MERTK: variants seen among roughly 807,000 people sequenced by gnomAD.
The protein encoded by MERTK is tyrosine-protein kinase Mer.
MERTK carries 69 observed loss-of-function variants against 99.3 expected under a neutral mutation model. The observed-to-expected ratio is 0.70, with a 90% confidence interval of 0.57 to 0.85. The LOEUF (loss-of-function observed/expected upper bound fraction) is 0.85, where lower values mean the gene tolerates loss of function less well. MERTK is among the 40% of genes least tolerant of loss of function. The probability of loss-of-function intolerance (pLI) is 0.00; values close to 1 mark genes in which losing one functional copy is unlikely to be tolerated. For missense variants in MERTK, 1,125 were observed against 1,249.4 expected (o/e 0.90, Z 1.50); for synonymous variants, 426 against 467.6 (o/e 0.91, Z 1.15).
At chr2:112,008,512 G>A in intron 14 of MERTK, 37 bp downstream of exon 14, 1 of 1,499,452 alleles carries the variant, frequency 6.7e-7, no homozygotes, top group Non-Finnish European at 9.3e-7. Context: ...TGGCCAAGAG[G>A]GCTCTGCTGA....
intron 1 of MERTK, among the ~76,000 whole-genome samples, chr2:111,911,987 C>T (rs1167358856): frequency 6.9e-6 from 1 of 144,156 alleles, no homozygotes; most frequent in Non-Finnish European, 1.5e-5. Flanking sequence ...CTGTGCCTGG[C>T]TTCCAATCGC....
rs563766184 is a variant in MERTK at position 111,974,407 on chromosome 2, T to C, written c.961-882T>C. On this transcript the variant is annotated intron_variant, in intron 6 of 18. Coordinates refer to ENST00000295408, the MANE Select transcript of MERTK (RefSeq NM_006343.3). ...ATCTCAAAAAAAGTAGTAATAATAA[T>C]AACAATAAAATAAAATAAAGTTAGC... Among the ~76,000 whole-genome samples the C allele has an allele frequency of 3.3e-4, 50 of 149,666 alleles. 1 individual carries two copies. Among genetic ancestry groups the C allele is most frequent in the Middle Eastern group, 3.6e-3 (1 of 280 alleles).
chr2:111,971,642 A>G (rs1349023828), intron 6 of MERTK, among the ~76,000 whole-genome samples: 1 of 152,124 alleles, frequency 6.6e-6, no homozygotes, highest in Non-Finnish European at 1.5e-5. Context: ...CTGATTTCTA[A>G]TGTTATTTTA....
chr2:111,929,569 T>G (rs759200969), intron 2 of MERTK, 29 bp downstream of exon 2: 1 of 1,504,342 alleles, frequency 6.6e-7, no homozygotes, highest in Non-Finnish European at 8.9e-7. Flanking sequence ...TTTTTTATTT[T>G]TTTAGTTTTA....
At chr2:112,000,126 G>A (rs1443500370) in intron 10 of MERTK, among the ~76,000 whole-genome samples, 9 of 152,140 alleles carry the variant, frequency 5.9e-5, no homozygotes, top group Non-Finnish European at 1.3e-4. Flanking sequence ...ATGTCATCAG[G>A]TAAGGCAGGA....
At chr2:112,027,091 T>C (rs749240571) in intron 18 of MERTK, among the ~76,000 whole-genome samples, 1 of 151,862 alleles carries the variant, frequency 6.6e-6, no homozygotes, top group African/African-American at 2.4e-5. Flanking sequence ...AGTTCAGGGG[T>C]TCTCCACCAG....
In MERTK at chr2:111,899,652, A is replaced by G. The variant is rs532248538; in HGVS notation, c.61+856A>G. Reference sequence around the variant, plus strand: ...CCTGCCTCAGCCTCCCGAGTAGCTGAGACTATAGACGCGCGCTACCACGTC... The same window carrying G: ...CCTGCCTCAGCCTCCCGAGTAGCTGGGACTATAGACGCGCGCTACCACGTC... On this transcript the variant is annotated intron_variant, in intron 1 of 18. Coordinates refer to ENST00000295408, the MANE Select transcript of MERTK (RefSeq NM_006343.3). 2.0e-5 allele frequency among the ~76,000 whole-genome samples: 3 copies of G among 151,864 alleles called. No homozygotes were observed. In the South Asian group the frequency reaches 6.2e-4, roughly 32 times the overall value.
intron 4 of MERTK, among the ~76,000 whole-genome samples, chr2:111,964,368 CGTGTGTGTGTGTGT>C (rs200168355): frequency 4.4e-4 from 62 of 141,248 alleles, no homozygotes; most frequent in Non-Finnish European, 3.2e-4. Flanking sequence ...ATCATTGTCT[CGTGTGTGTGTGTGT>C]GTGTGTGTGT....
intron 2 of MERTK, among the ~76,000 whole-genome samples, chr2:111,941,641 C>T (rs1223033310): frequency 6.6e-6 from 1 of 152,052 alleles, no homozygotes; most frequent in Non-Finnish European, 1.5e-5. Context: ...AGTCTCCAGC[C>T]CCACCCCACA....
At chr2:111,992,940 T>C (rs1004840238) in intron 8 of MERTK, among the ~76,000 whole-genome samples, 3 of 152,010 alleles carry the variant, frequency 2.0e-5, no homozygotes, top group Non-Finnish European at 2.9e-5. Flanking sequence ...TGCCTGAAAC[T>C]TGGGGGACTC....
chr2:111,964,227 T>C (rs1274921487), intron 4 of MERTK, among the ~76,000 whole-genome samples: 2 of 152,122 alleles, frequency 1.3e-5, no homozygotes, highest in Non-Finnish European at 2.9e-5. Context: ...TTGATATCAG[T>C]AGAGACTCCT....
chr2:112,022,742 C>G (rs893003693), intron 18 of MERTK, among the ~76,000 whole-genome samples: 14 of 152,170 alleles, frequency 9.2e-5, no homozygotes, highest in African/African-American at 3.4e-4. Context: ...TGCATGAGGT[C>G]CTTGAATGAT....
chr2:111,936,815 C>G (rs551272741), intron 2 of MERTK, among the ~76,000 whole-genome samples: 1 of 152,228 alleles, frequency 6.6e-6, no homozygotes, highest in African/African-American at 2.4e-5. Flanking sequence ...TTGGCCAAGA[C>G]CTTTCACTGG....
intron 16 of MERTK, among the ~76,000 whole-genome samples, chr2:112,020,146 C>T (rs1393221563): frequency 6.6e-6 from 1 of 152,200 alleles, no homozygotes; most frequent in African/African-American, 2.4e-5. Context: ...TTTTCTTGGT[C>T]AGAGATGTGA....
chr2:112,027,886 G>T (rs574530785), intron 18 of MERTK, among the ~76,000 whole-genome samples: 1 of 152,326 alleles, frequency 6.6e-6, no homozygotes, highest in East Asian at 1.9e-4. Flanking sequence ...TTCCTATAAA[G>T]TGCCAAATAG....
chr2:112,012,276 C>A (rs1476508352), intron 15 of MERTK, among the ~76,000 whole-genome samples: 1 of 136,936 alleles, frequency 7.3e-6, no homozygotes, highest in Non-Finnish European at 1.6e-5. Context: ...TCAGGGAAGC[C>A]ACACACAGAA....
At chr2:111,904,617 AC>A (rs1684104573) in intron 1 of MERTK, among the ~76,000 whole-genome samples, 1 of 151,942 alleles carries the variant, frequency 6.6e-6, no homozygotes, top group Admixed American at 6.6e-5. Flanking sequence ...CTCGCGATCC[AC>A]CCACCTCGGC....
intron 1 of MERTK, among the ~76,000 whole-genome samples, chr2:111,901,739 G>T (rs555045230): frequency 2.6e-5 from 4 of 151,644 alleles, no homozygotes; most frequent in South Asian, 4.2e-4. Flanking sequence ...ATTTTTTGTA[G>T]AGACAGGATC....
chr2:111,917,839 C>T (rs916023842), intron 1 of MERTK, among the ~76,000 whole-genome samples: 5 of 150,172 alleles, frequency 3.3e-5, no homozygotes, highest in South Asian at 2.1e-4. Context: ...GAGTCGAGAT[C>T]GTGCGACTAC....
Sources: allele counts gnomAD v4.1 joint callset (sites outside exome capture counted in the v4.1 genomes callset), GRCh38; gene constraint gnomAD v4.1.1; transcripts MANE v1.5; gene names NCBI Gene and HGNC (gene_info 2026-07-23, HGNC 2026-07-21).